Variants in RNFT2 observed in about 807,000 individuals in gnomAD.
RNFT2 encodes ring finger protein, transmembrane 2.
In RNFT2, 36 loss-of-function variants were observed where a neutral mutation model predicts 53.0. The observed-to-expected ratio is 0.68, with a 90% CI of 0.52 to 0.90. The LOEUF is 0.90. RNFT2 is among the 40% of genes least tolerant of loss of function. The pLI, the probability that RNFT2 is intolerant of heterozygous loss-of-function variation, is 0.00. For missense variants in RNFT2, 514 were observed against 585.6 expected, an observed-to-expected ratio of 0.88 and a Z score of 1.26; for synonymous variants, 260 against 253.2, an observed-to-expected ratio of 1.03 and a Z score of -0.26.
rs1444056879 is a variant in RNFT2 at position 116,852,468 on chromosome 12, A to G, written c.*3020A>G. 2.1e-6 allele frequency: 3 copies of G among 1,448,806 alleles called. No homozygotes were observed. The highest frequency in any genetic ancestry group is 2.6e-5 in the East Asian group (1 of 39,056). The allele number at this position is 1,448,806 out of a possible 1,614,324, so 89.7% of individuals were successfully genotyped here. Reference sequence around the variant, plus strand: ...GTAGCATCTTTCAAGCTCCGTTACTATGGCGATGGCCATGATGTTACAATC... The same window carrying G: ...GTAGCATCTTTCAAGCTCCGTTACTGTGGCGATGGCCATGATGTTACAATC... On this transcript the variant is annotated 3_prime_UTR_variant, in exon 11 of 11. Transcript: ENST00000257575.
At chr12:116,838,841 C>A (rs1454553005) in intron 10 of RNFT2, among the ~76,000 whole-genome samples, 1 of 152,132 alleles carries the variant, frequency 6.6e-6, no homozygotes, top group Non-Finnish European at 1.5e-5. Flanking sequence ...GACAAGACAC[C>A]CATTGTCCCA....
chr12:116,774,380 C>T (rs1873332504), intron 6 of RNFT2, among the ~76,000 whole-genome samples: 1 of 152,092 alleles, frequency 6.6e-6, no homozygotes, highest in South Asian at 2.1e-4. Context: ...GTTATTTTAA[C>T]ACCAAAGAAT....
chr12:116,779,913 G>A (rs12309982), intron 7 of RNFT2, among the ~76,000 whole-genome samples: 9,744 of 152,214 alleles, frequency 0.064, 844 homozygotes, highest in African/African-American at 0.19. Flanking sequence ...GAGTTCAGAG[G>A]ACTGAGCAGG....
intron 7 of RNFT2, among the ~76,000 whole-genome samples, chr12:116,820,523 T>C (rs568824095): frequency 6.2e-4 from 95 of 152,328 alleles, no homozygotes; most frequent in African/African-American, 2.2e-3. Flanking sequence ...AGTTCCTGTG[T>C]CCTCACTTCC....
chr12:116,774,715 C>T (rs754958360), intron 6 of RNFT2, among the ~76,000 whole-genome samples: 4 of 148,538 alleles, frequency 2.7e-5, no homozygotes, highest in Admixed American at 6.7e-5. Context: ...AGTTCTGAGG[C>T]GTCAACACAG....
At chr12:116,745,049 T>C (rs1165514579) in intron 3 of RNFT2, among the ~76,000 whole-genome samples, 3 of 152,038 alleles carry the variant, frequency 2.0e-5, no homozygotes, top group African/African-American at 7.3e-5. Context: ...ATTATTAATA[T>C]TATCATTATT....
chr12:116,740,975 G>A (rs920326019), intron 2 of RNFT2, 61 bp from the exon 3 acceptor site: 1 of 1,451,020 alleles, frequency 6.9e-7, no homozygotes, highest in East Asian at 2.3e-5. Context: ...AATTACCTTG[G>A]CAATCTGACA....
intron 7 of RNFT2, among the ~76,000 whole-genome samples, chr12:116,827,168 C>T (rs972605260): frequency 6.1e-5 from 9 of 147,264 alleles, no homozygotes; most frequent in African/African-American, 2.1e-4. Flanking sequence ...TGCAGTGAGC[C>T]GAGATCATGC....
intron 5 of RNFT2, among the ~76,000 whole-genome samples, chr12:116,760,272 G>T (rs1436350664): frequency 1.3e-5 from 2 of 152,142 alleles, no homozygotes; most frequent in Non-Finnish European, 2.9e-5. Flanking sequence ...CAGACTATCC[G>T]CCTCCCAGCT....
At chr12:116,793,210 CTTTTT>C (rs35482097) in intron 7 of RNFT2, among the ~76,000 whole-genome samples, 5 of 120,790 alleles carry the variant, frequency 4.1e-5, no homozygotes, top group Admixed American at 9.4e-5. Context: ...ATCCAGATAG[CTTTTT>C]TTTTTTTTTT....
intron 7 of RNFT2, among the ~76,000 whole-genome samples, chr12:116,794,845 A>G (rs1443153932): frequency 5.9e-5 from 9 of 152,020 alleles, no homozygotes; most frequent in Non-Finnish European, 1.2e-4. Flanking sequence ...TGTCTCACCA[A>G]TTTCACTGAT....
At chr12:116,791,396 T>C (rs1453221401) in intron 7 of RNFT2, among the ~76,000 whole-genome samples, 2 of 152,164 alleles carry the variant, frequency 1.3e-5, no homozygotes, top group African/African-American at 2.4e-5. Flanking sequence ...CTGCAACCTC[T>C]GCCTCCCGGG....
intron 5 of RNFT2, among the ~76,000 whole-genome samples, chr12:116,760,904 A>T (rs1481763349): frequency 1.3e-5 from 2 of 152,148 alleles, no homozygotes; most frequent in Non-Finnish European, 2.9e-5. Flanking sequence ...TTAGAGACAG[A>T]GTCTTGCTCT....
At chr12:116,820,235 C>T (rs939843670) in intron 7 of RNFT2, among the ~76,000 whole-genome samples, 7 of 152,028 alleles carry the variant, frequency 4.6e-5, no homozygotes, top group Admixed American at 6.6e-5. Flanking sequence ...GGTCTACAGG[C>T]GTGCGCCATC....
chr12:116,781,843 G>A (rs1873714315), intron 7 of RNFT2, among the ~76,000 whole-genome samples: 1 of 152,052 alleles, frequency 6.6e-6, no homozygotes, highest in South Asian at 2.1e-4. Context: ...TTGGGAGGAA[G>A]AGGCGGGTGG....
At chr12:116,818,859 G>A (rs921723681) in intron 7 of RNFT2, among the ~76,000 whole-genome samples, 4 of 152,200 alleles carry the variant, frequency 2.6e-5, no homozygotes, top group African/African-American at 9.7e-5. Flanking sequence ...AGCATTGCGG[G>A]GGCACGCCGC....
chr12:116,798,609 C>T (rs1197901993), intron 7 of RNFT2, among the ~76,000 whole-genome samples: 1 of 152,084 alleles, frequency 6.6e-6, no homozygotes, highest in Admixed American at 6.6e-5. Flanking sequence ...GTCTCTGTCA[C>T]CCAGGTTGGA....
chr12:116,750,882 TATATATATAATATATATATA>T, intron 4 of RNFT2, among the ~76,000 whole-genome samples: 1 of 1,162 alleles, frequency 8.6e-4, no homozygotes, highest in African/African-American at 1.4e-3. Context: ...ATATATATAT[TATATATATAATATATATATA>T]TATATATTTT....
chr12:116,774,226 T>C (rs1873324970), intron 6 of RNFT2, among the ~76,000 whole-genome samples: 1 of 152,190 alleles, frequency 6.6e-6, no homozygotes, highest in Non-Finnish European at 1.5e-5. Flanking sequence ...ATAGTGGTGA[T>C]GATTATGCAA....
Sources: gnomAD v4.1 joint callset for allele counts (sites outside exome capture counted in the v4.1 genomes callset) on GRCh38, gnomAD v4.1.1 for gene constraint, MANE v1.5 for transcripts, NCBI Gene and HGNC (gene_info 2026-07-23, HGNC 2026-07-21) for gene names.